PTPRD: variants seen among roughly 807,000 people sequenced by gnomAD.
PTPRD encodes protein tyrosine phosphatase receptor type D, also known as receptor-type tyrosine-protein phosphatase delta.
In PTPRD, 34 loss-of-function variants were observed where a neutral mutation model predicts 214.5. That is an observed-to-expected ratio of 0.16 (90% confidence interval 0.12 to 0.21). The LOEUF is 0.21. PTPRD is among the 10% of genes least tolerant of loss of function. The pLI is 1.00. For synonymous variants in PTPRD, 1,128 were observed against 845.7 expected (o/e 1.33, Z -5.79); for missense variants, 2,545 against 2,398.7 (o/e 1.06, Z -1.27).
intron 3 of PTPRD, among the ~76,000 whole-genome samples, chr9:10,116,317 C>A (rs893684767): frequency 1.6e-4 from 24 of 151,966 alleles, no homozygotes; most frequent in African/African-American, 5.3e-4. Context: ...CTAATATAGA[C>A]AAATGGTTAT....
rs114278667 is a variant in PTPRD at position 9,096,801 on chromosome 9, T to C, written c.-142-78066A>G. Among the ~76,000 whole-genome samples, 834 of 152,308 alleles carry C rather than the reference T, an allele frequency of 5.5e-3. 7 individuals carry two copies. Among genetic ancestry groups the C allele is most frequent in the African/African-American group, 0.019 (797 of 41,584 alleles). On this transcript the variant is annotated intron_variant, in intron 10 of 45. Transcript: ENST00000381196. Reference sequence around the variant, plus strand: ...AAAGTAAATGAGGTTTATATAATGCTATGGAGGCTTCATGAATGAGGCCAT... The same window carrying C: ...AAAGTAAATGAGGTTTATATAATGCCATGGAGGCTTCATGAATGAGGCCAT...
intron 2 of PTPRD, among the ~76,000 whole-genome samples, chr9:10,464,152 C>T (rs2098977464): frequency 6.6e-6 from 1 of 152,064 alleles, no homozygotes; most frequent in Admixed American, 6.6e-5. Flanking sequence ...AATCCCAGCA[C>T]TCTTGGAAGC....
At chr9:10,254,098 T>C (rs1250484949) in intron 3 of PTPRD, among the ~76,000 whole-genome samples, 3 of 152,248 alleles carry the variant, frequency 2.0e-5, no homozygotes, top group African/African-American at 7.2e-5. Context: ...CTAATCATCA[T>C]ACTGTCCGCA....
intron 10 of PTPRD, among the ~76,000 whole-genome samples, chr9:9,086,665 G>C (rs1215000209): frequency 6.6e-6 from 1 of 152,160 alleles, no homozygotes; most frequent in African/African-American, 2.4e-5. Context: ...CTGTACATCA[G>C]GATGCCATTC....
intron 39 of PTPRD, among the ~76,000 whole-genome samples, chr9:8,350,254 G>A (rs1305139167): frequency 6.6e-6 from 1 of 152,104 alleles, no homozygotes; most frequent in East Asian, 1.9e-4. Flanking sequence ...GATTAATGTG[G>A]TGGAGTTTTA....
intron 37 of PTPRD, among the ~76,000 whole-genome samples, chr9:8,382,618 T>C (rs1202111651): frequency 6.6e-6 from 1 of 152,206 alleles, no homozygotes. Context: ...ACGCTGTGTC[T>C]GCTGACAAGA....
intron 3 of PTPRD, among the ~76,000 whole-genome samples, chr9:10,139,750 T>C (rs1003929547): frequency 6.6e-6 from 1 of 151,974 alleles, no homozygotes; most frequent in South Asian, 2.1e-4. Context: ...CCTACAACCA[T>C]CTGATCTTCA....
chr9:10,436,110 A>G (rs547054010), intron 2 of PTPRD, among the ~76,000 whole-genome samples: 148 of 151,942 alleles, frequency 9.7e-4, no homozygotes, highest in African/African-American at 3.3e-3. Flanking sequence ...TTAGAAGAAT[A>G]ACACCCTCAA....
intron 11 of PTPRD, among the ~76,000 whole-genome samples, chr9:8,956,331 A>G (rs773627285): frequency 1.3e-5 from 2 of 151,908 alleles, no homozygotes; most frequent in Non-Finnish European, 2.9e-5. Flanking sequence ...AAAAATAAAA[A>G]CCATCCACTT....
intron 12 of PTPRD, chr9:8,713,789 G>T: frequency 1.3e-6 from 2 of 1,535,656 alleles, no homozygotes; most frequent in Non-Finnish European, 1.8e-6. Flanking sequence ...CGGGTCCTGC[G>T]CCTTCAGCAC....
chr9:10,188,866 C>T (rs1012987307), intron 3 of PTPRD, among the ~76,000 whole-genome samples: 1 of 152,176 alleles, frequency 6.6e-6, no homozygotes, highest in African/African-American at 2.4e-5. Flanking sequence ...AACAACCCCA[C>T]AACTTGGAGC....
chr9:9,663,772 G>GTA (rs2096663012), intron 7 of PTPRD, among the ~76,000 whole-genome samples: 1 of 151,456 alleles, frequency 6.6e-6, no homozygotes, highest in African/African-American at 2.4e-5. Context: ...CTAAATATAT[G>GTA]TATATAATAT....
chr9:8,473,290 A>G (rs2096693963), intron 30 of PTPRD, among the ~76,000 whole-genome samples: 1 of 152,140 alleles, frequency 6.6e-6, no homozygotes, highest in Admixed American at 6.5e-5. Flanking sequence ...GAGGATGAGG[A>G]GAAGGCAGAG....
At chr9:9,446,823 A>T (rs577127461) in intron 8 of PTPRD, among the ~76,000 whole-genome samples, 5 of 152,322 alleles carry the variant, frequency 3.3e-5, no homozygotes, top group African/African-American at 9.6e-5. Flanking sequence ...TACAATAAAA[A>T]GGAAAAGAAC....
rs144454028 is a variant in PTPRD, at chr9:9,395,028, T to A, written c.-203+2421A>T. Among the ~76,000 whole-genome samples the A allele has an allele frequency of 8.9e-3, 1,354 of 152,194 alleles. 11 individuals are homozygous for A. Among genetic ancestry groups the A allele is most frequent in the Non-Finnish European group, 0.014 (984 of 68,002 alleles). ...TGGTACAGGGGTTTTTCCATTGACC[T>A]ATAAATTCAATCCTGTGGGGAGTTG... On this transcript the variant is annotated intron_variant, in intron 9 of 45. Coordinates refer to ENST00000381196, the MANE Select transcript of PTPRD (RefSeq NM_002839.4).
chr9:9,510,513 A>G (rs2096675255), intron 8 of PTPRD, among the ~76,000 whole-genome samples: 1 of 151,686 alleles, frequency 6.6e-6, no homozygotes, highest in Non-Finnish European at 1.5e-5. Flanking sequence ...TACTGGTAAT[A>G]TCTGTCACTT....
intron 3 of PTPRD, among the ~76,000 whole-genome samples, chr9:10,124,186 T>C (rs2154250903): frequency 6.6e-6 from 1 of 152,312 alleles, no homozygotes; most frequent in East Asian, 1.9e-4. Flanking sequence ...TATCATTTGT[T>C]ATACTGTAAA....
intron 44 of PTPRD, among the ~76,000 whole-genome samples, chr9:8,326,854 G>T (rs199860192): frequency 2.7e-5 from 4 of 147,356 alleles, no homozygotes; most frequent in Non-Finnish European, 6.0e-5. Flanking sequence ...TAGAGGTGTT[G>T]ATAGTATTCT....
chr9:9,290,866 T>G (rs1231942320), intron 9 of PTPRD, among the ~76,000 whole-genome samples: 1 of 151,524 alleles, frequency 6.6e-6, no homozygotes, highest in East Asian at 2.0e-4. Flanking sequence ...TGGGCACTTC[T>G]CTGTTCCATA....
Sources: gnomAD v4.1 joint callset for allele counts (sites outside exome capture counted in the v4.1 genomes callset) on GRCh38, gnomAD v4.1.1 for gene constraint, MANE v1.5 for transcripts, NCBI Gene and HGNC (gene_info 2026-07-23, HGNC 2026-07-21) for gene names.